Variants in SUCLG2 observed in about 807,000 individuals in gnomAD.
SUCLG2 encodes the protein succinate-CoA ligase GDP-forming subunit beta.
In SUCLG2, 42 loss-of-function variants were observed where a neutral mutation model predicts 47.9. The ratio of observed to expected loss-of-function variants is 0.88; its 90% CI spans 0.69 to 1.14. SUCLG2 has a LOEUF of 1.14. Among genes scored for constraint, SUCLG2 ranks in the 50% most tolerant of loss-of-function variants. SUCLG2 has a pLI of 0.00. For synonymous variants in SUCLG2, 195 were observed against 197.3 expected, an observed-to-expected ratio of 0.99 and a Z score of 0.10; for missense variants, 571 against 525.9, an observed-to-expected ratio of 1.09 and a Z score of -0.84.
chr3:67,370,455 C>T (rs1701937482), downstream of SUCLG2, among the ~76,000 whole-genome samples: 1 of 152,082 alleles, frequency 6.6e-6, no homozygotes, highest in Non-Finnish European at 1.5e-5. Flanking sequence ...GGCAAGGTCA[C>T]CTGTTTGTAT....
At chr3:67,495,290 C>A (rs1046943303) in intron 9 of SUCLG2, among the ~76,000 whole-genome samples, 2 of 152,130 alleles carry the variant, frequency 1.3e-5, no homozygotes, top group Non-Finnish European at 2.9e-5. Context: ...GTACACACAA[C>A]CTCTGAAATA....
intron 10 of SUCLG2, among the ~76,000 whole-genome samples, chr3:67,391,233 C>T (rs111377768): frequency 2.0e-5 from 3 of 152,290 alleles, no homozygotes; most frequent in Admixed American, 6.5e-5. Context: ...TATTCTGTGT[C>T]TTTCGCTTTC....
chr3:67,604,572 T>G (rs905759355), intron 2 of SUCLG2, among the ~76,000 whole-genome samples: 2 of 152,176 alleles, frequency 1.3e-5, no homozygotes, highest in Non-Finnish European at 2.9e-5. Context: ...ATGACTGAAT[T>G]TGGCGACCAA....
chr3:67,367,076 A>G (rs543204628), intron 10 of SUCLG2, among the ~76,000 whole-genome samples: 2 of 152,348 alleles, frequency 1.3e-5, no homozygotes, highest in Admixed American at 6.5e-5. Flanking sequence ...TATATATTGA[A>G]CAAAACTGGG....
chr3:67,457,810 G>A (rs1704226308), intron 9 of SUCLG2, among the ~76,000 whole-genome samples: 1 of 150,060 alleles, frequency 6.7e-6, no homozygotes, highest in Non-Finnish European at 1.5e-5. Context: ...AGACACAGTG[G>A]TACATGCTTG....
chr3:67,368,738 T>A (rs1701908868), intron 10 of SUCLG2, among the ~76,000 whole-genome samples: 2 of 152,132 alleles, frequency 1.3e-5, no homozygotes, highest in Admixed American at 1.3e-4. Context: ...CCCAAGTAGC[T>A]GGGATTACAG....
chr3:67,378,541 G>A (rs1702085132), intron 10 of SUCLG2, among the ~76,000 whole-genome samples: 1 of 152,182 alleles, frequency 6.6e-6, no homozygotes, highest in African/African-American at 2.4e-5. Context: ...GATCTTGGAA[G>A]CAAATTCTTC....
chr3:67,474,326 T>G lies in SUCLG2; in HGVS notation c.1062+21472A>C, dbSNP rs532396728. Among the ~76,000 whole-genome samples, 24 of 152,236 alleles carry G rather than the reference T, an allele frequency of 1.6e-4. 1 individual carries two copies. In the South Asian group the frequency reaches 5.0e-3, roughly 32 times the overall value. ...GACTAACATTTTCTAGAGCTTAATT[T>G]CTATATATTGAAGAGATGAATATTA... On this transcript the variant is annotated intron_variant, in intron 9 of 10. Transcript: ENST00000307227.
At chr3:67,402,866 G>A (rs4279119) in intron 9 of SUCLG2, among the ~76,000 whole-genome samples, 71,822 of 152,022 alleles carry the variant, frequency 0.47, 17,641 homozygotes, top group Middle Eastern at 0.68. Flanking sequence ...AAAGCTTTAC[G>A]ATCATTTTAC....
At chr3:67,634,947 T>C (rs1372254120) in intron 1 of SUCLG2, among the ~76,000 whole-genome samples, 1 of 152,198 alleles carries the variant, frequency 6.6e-6, no homozygotes, top group East Asian at 1.9e-4. Context: ...AACCACTCTG[T>C]GCCTTTAATC....
intron 9 of SUCLG2, among the ~76,000 whole-genome samples, chr3:67,419,958 C>T (rs1703118156): frequency 6.6e-6 from 1 of 152,118 alleles, no homozygotes; most frequent in Non-Finnish European, 1.5e-5. Flanking sequence ...AAAGACACTG[C>T]AAGGAAGGCA....
intron 9 of SUCLG2, among the ~76,000 whole-genome samples, chr3:67,416,932 G>A (rs112806448): frequency 0.011 from 1,708 of 152,248 alleles, 34 homozygotes; most frequent in African/African-American, 0.038. Flanking sequence ...CTTCGGCATG[G>A]AGAAGGAATT....
At chr3:67,602,831 T>C (rs1400361337) in intron 2 of SUCLG2, among the ~76,000 whole-genome samples, 4 of 152,154 alleles carry the variant, frequency 2.6e-5, no homozygotes, top group African/African-American at 9.7e-5. Context: ...GAGACCAGGT[T>C]CTTAGCAGCA....
intron 10 of SUCLG2, among the ~76,000 whole-genome samples, chr3:67,363,800 C>T (rs956150045): frequency 7.1e-6 from 1 of 141,032 alleles, no homozygotes; most frequent in Non-Finnish European, 1.5e-5. Flanking sequence ...CCCCCAACCT[C>T]ACCCCCTGCA....
At chr3:67,614,445 G>A (rs1005348478) in intron 1 of SUCLG2, among the ~76,000 whole-genome samples, 2 of 151,372 alleles carry the variant, frequency 1.3e-5, no homozygotes, top group South Asian at 2.1e-4. Flanking sequence ...CCCTAGACTC[G>A]GCCAACACCA....
At chr3:67,504,161 C>T (rs1208540101) in intron 7 of SUCLG2, among the ~76,000 whole-genome samples, 1 of 150,778 alleles carries the variant, frequency 6.6e-6, no homozygotes, top group African/African-American at 2.4e-5. Context: ...ATTAGTCCCA[C>T]TTCCCATTAA....
intron 9 of SUCLG2, among the ~76,000 whole-genome samples, chr3:67,449,348 C>G (rs544890729): frequency 6.6e-6 from 1 of 152,170 alleles, no homozygotes; most frequent in Non-Finnish European, 1.5e-5. Context: ...AACATGCAGA[C>G]AGGCAGTCAC....
chr3:67,642,105 G>A (rs952933164), intron 1 of SUCLG2, among the ~76,000 whole-genome samples: 1 of 152,026 alleles, frequency 6.6e-6, no homozygotes, highest in Non-Finnish European at 1.5e-5. Context: ...TCTTTACAGA[G>A]AAAATCAAAT....
intron 2 of SUCLG2, among the ~76,000 whole-genome samples, chr3:67,568,422 A>G (rs1707523553): frequency 6.6e-6 from 1 of 152,254 alleles, no homozygotes; most frequent in Admixed American, 6.5e-5. Flanking sequence ...ACAGCAACAC[A>G]GAAAGAGATA....
Sources: gnomAD v4.1 joint callset for allele counts (sites outside exome capture counted in the v4.1 genomes callset) on GRCh38, gnomAD v4.1.1 for gene constraint, MANE v1.5 for transcripts, NCBI Gene and HGNC (gene_info 2026-07-23, HGNC 2026-07-21) for gene names.